USP37: variants seen among roughly 807,000 people sequenced by gnomAD.
USP37 encodes the protein ubiquitin carboxyl-terminal hydrolase 37.
A neutral mutation model predicts 124.0 loss-of-function variants in USP37; 27 were observed. The observed-to-expected ratio is 0.22, with a 90% CI of 0.16 to 0.30. The LOEUF is 0.30. Among genes scored for constraint, USP37 ranks in the 10% least tolerant of loss-of-function variants. USP37 has a pLI of 1.00. For missense variants in USP37, 889 were observed against 1,140.4 expected (o/e 0.78, Z 3.17); for synonymous variants, 365 against 388.0 (o/e 0.94, Z 0.70).
At chr2:218,512,367 C>T (rs983320100) in intron 10 of USP37, among the ~76,000 whole-genome samples, 2 of 152,050 alleles carry the variant, frequency 1.3e-5, no homozygotes, top group African/African-American at 4.8e-5. Context: ...ATTAGCCAAG[C>T]GTAGTGGCGC....
intron 5 of USP37, among the ~76,000 whole-genome samples, chr2:218,552,487 G>A (rs1388788101): frequency 6.6e-6 from 1 of 152,006 alleles, no homozygotes; most frequent in Non-Finnish European, 1.5e-5. Flanking sequence ...GGCCAAGGAA[G>A]GTCAATCGCT....
chr2:218,533,851 T>TC (rs1691471157), intron 9 of USP37, among the ~76,000 whole-genome samples: 1 of 152,232 alleles, frequency 6.6e-6, no homozygotes, highest in South Asian at 2.1e-4. Flanking sequence ...TTTCAGAGAA[T>TC]CGAACAGATA....
intron 12 of USP37, 28 bp downstream of exon 12, chr2:218,497,998 C>T (rs1209706983): frequency 3.2e-6 from 5 of 1,572,970 alleles, no homozygotes; most frequent in South Asian, 1.2e-5. Context: ...TAAAAGGTTA[C>T]TCAGTAAGTA....
At chr2:218,527,851 T>C in intron 10 of USP37, among the ~76,000 whole-genome samples, 1 of 152,308 alleles carries the variant, frequency 6.6e-6, no homozygotes, top group East Asian at 1.9e-4. Context: ...TTCTTTACCT[T>C]AATCATTTTA....
At chr2:218,459,940 C>A (rs1291611463) in intron 22 of USP37, 35 bp from the exon 23 acceptor site, 2 of 1,558,860 alleles carry the variant, frequency 1.3e-6, no homozygotes, top group South Asian at 2.2e-5. Flanking sequence ...TATAAAAGTT[C>A]TTGGAATAGA....
intron 5 of USP37, among the ~76,000 whole-genome samples, chr2:218,552,957 T>A (rs868570237): frequency 2.9e-5 from 4 of 137,740 alleles, no homozygotes; most frequent in African/African-American, 1.4e-4. Flanking sequence ...AAATAAATAA[T>A]AAAAAATCCT....
At chr2:218,473,367 T>A (rs1690795630) in intron 20 of USP37, 2 of 152,194 alleles carry the variant, frequency 1.3e-5, no homozygotes, top group South Asian at 4.1e-4. Context: ...ATGATACTTG[T>A]ATCAAGAAGG....
At chr2:218,488,784 C>T (rs1244064654) in intron 14 of USP37, among the ~76,000 whole-genome samples, 2 of 151,820 alleles carry the variant, frequency 1.3e-5, no homozygotes, top group African/African-American at 2.4e-5. Flanking sequence ...TACAGGCATG[C>T]GCCACCATGC....
chr2:218,495,136 C>T (rs1013982315), intron 14 of USP37, among the ~76,000 whole-genome samples: 6 of 151,978 alleles, frequency 3.9e-5, no homozygotes, highest in African/African-American at 1.2e-4. Context: ...CTCTGCCACG[C>T]GTTTTTGTTT....
intron 8 of USP37, among the ~76,000 whole-genome samples, chr2:218,536,278 G>A (rs931631549): frequency 6.6e-6 from 1 of 152,100 alleles, no homozygotes; most frequent in Non-Finnish European, 1.5e-5. Context: ...GCTAATTTAA[G>A]GGGAACCATC....
At chr2:218,532,160 G>A (rs1187889078) in intron 9 of USP37, among the ~76,000 whole-genome samples, 4 of 152,112 alleles carry the variant, frequency 2.6e-5, no homozygotes, top group Non-Finnish European at 5.9e-5. Flanking sequence ...TCAGAGATGT[G>A]ACAAATTGTC....
At chr2:218,530,108 A>G (rs1398320092) in intron 9 of USP37, 68 bp from the exon 10 acceptor site, 11 of 1,221,652 alleles carry the variant, frequency 9.0e-6, no homozygotes, top group Non-Finnish European at 1.3e-5. Flanking sequence ...TTTAATAATA[A>G]AAGTATACAT....
At chr2:218,460,953 T>TA (rs779273538) in intron 22 of USP37, among the ~76,000 whole-genome samples, 41 of 147,368 alleles carry the variant, frequency 2.8e-4, no homozygotes, top group Admixed American at 7.4e-4. Context: ...AAAATAAAAA[T>TA]AAAAAAAAAA....
chr2:218,488,744 T>A (rs1418534424), intron 14 of USP37, among the ~76,000 whole-genome samples: 2 of 152,116 alleles, frequency 1.3e-5, no homozygotes, highest in Non-Finnish European at 2.9e-5. Flanking sequence ...CAAGCGATTC[T>A]CCTGCCTCAG....
chr2:218,534,038 G>C (rs1487392349), intron 9 of USP37, among the ~76,000 whole-genome samples: 1 of 152,148 alleles, frequency 6.6e-6, no homozygotes, highest in African/African-American at 2.4e-5. Flanking sequence ...TATGGTCCTG[G>C]TACTTTGACA....
chr2:218,548,497 T>C (rs980647409), intron 6 of USP37, among the ~76,000 whole-genome samples: 1 of 112,426 alleles, frequency 8.9e-6, no homozygotes, highest in Non-Finnish European at 1.8e-5. Context: ...CACACCACCA[T>C]GCCCAACTAA....
intron 13 of USP37, 100 bp downstream of exon 13, chr2:218,497,634 C>T (rs1689149728): frequency 1.0e-5 from 15 of 1,464,844 alleles, no homozygotes; most frequent in Non-Finnish European, 1.3e-5. Context: ...CCTCAGTGAC[C>T]TCAGGTGACC....
At chr2:218,496,036 G>GT in intron 13 of USP37, 86 bp from the exon 14 acceptor site, 1 of 1,360,956 alleles carries the variant, frequency 7.3e-7, no homozygotes, top group Non-Finnish European at 1.0e-6. Flanking sequence ...CCTCATACCT[G>GT]TAATTCCAGC....
At chr2:218,559,610 C>A (rs75467213) in intron 3 of USP37, among the ~76,000 whole-genome samples, 7,451 of 152,228 alleles carry the variant, frequency 0.049, 525 homozygotes, top group African/African-American at 0.16. Flanking sequence ...TAGAAAGAAT[C>A]TTTACCAATT....
Sources: allele counts gnomAD v4.1 joint callset (sites outside exome capture counted in the v4.1 genomes callset), GRCh38; gene constraint gnomAD v4.1.1; transcripts MANE v1.5; gene names NCBI Gene and HGNC (gene_info 2026-07-23, HGNC 2026-07-21).